MEI4: variants seen among roughly 807,000 people sequenced by gnomAD.
MEI4 encodes the protein meiotic double-stranded break formation protein 4.
MEI4 carries 27 observed loss-of-function variants against 31.4 expected under a neutral mutation model. That is an observed-to-expected ratio of 0.86 (90% CI 0.63 to 1.19). The LOEUF (loss-of-function observed/expected upper bound fraction) is 1.19, where lower values mean the gene tolerates loss of function less well. Among genes scored for constraint, MEI4 ranks in the 50% most tolerant of loss-of-function variants. The pLI is 0.00. For synonymous variants in MEI4, 122 were observed against 145.4 expected, an observed-to-expected ratio of 0.84 and a Z score of 1.16; for missense variants, 329 against 398.9, an observed-to-expected ratio of 0.82 and a Z score of 1.49.
chr6:77,921,383 G>A (rs1766698844), intron 4 of MEI4, among the ~76,000 whole-genome samples: 1 of 151,726 alleles, frequency 6.6e-6, no homozygotes, highest in Non-Finnish European at 1.5e-5. Flanking sequence ...CTTTTCTCTG[G>A]TTCAGGTATT....
In MEI4 at chr6:77,926,948, A is replaced by G. The variant is rs1407991088; in HGVS notation, c.*3602A>G. 1 of 151,904 alleles carries G rather than the reference A, an allele frequency of 6.6e-6. No individual in the cohort carries two copies. Among genetic ancestry groups the G allele is most frequent in the African/African-American group, 2.4e-5 (1 of 41,420 alleles). The allele number at this position is 151,904 out of a possible 1,614,324, so 9.4% of individuals were successfully genotyped here. On this transcript the variant is annotated 3_prime_UTR_variant, in exon 5 of 5. Coordinates refer to ENST00000684080, the MANE Select transcript of MEI4 (RefSeq NM_001322247.2). The stretch of plus-strand genomic sequence containing the variant: ...TATAGAATTGTATAATACAAAATTT[A>G]TCTGGTTAATAAATATACTGGTCTT...
intron 3 of MEI4, among the ~76,000 whole-genome samples, chr6:77,806,965 C>T (rs182510397): frequency 8.5e-5 from 13 of 152,174 alleles, no homozygotes; most frequent in East Asian, 3.9e-4. Context: ...TAATATATTT[C>T]GTATCTGACC....
intron 1 of MEI4, among the ~76,000 whole-genome samples, chr6:77,670,607 C>CCTG (rs765967491): frequency 2.4e-4 from 36 of 152,158 alleles, no homozygotes; most frequent in Non-Finnish European, 4.7e-4. Flanking sequence ...GCCCCTGACT[C>CCTG]AGGCCTTTCA....
chr6:77,662,518 T>G (rs1214322869), intron 1 of MEI4, among the ~76,000 whole-genome samples: 1 of 151,904 alleles, frequency 6.6e-6, no homozygotes, highest in East Asian at 1.9e-4. Flanking sequence ...GAGCAGAAAG[T>G]GTATGTGTCC....
At chr6:77,732,809 C>T (rs1767049665) in intron 2 of MEI4, among the ~76,000 whole-genome samples, 1 of 151,966 alleles carries the variant, frequency 6.6e-6, no homozygotes, top group Non-Finnish European at 1.5e-5. Flanking sequence ...CCCATCAATA[C>T]CTAATTTATT....
chr6:77,658,997 G>A (rs1349386576), intron 1 of MEI4, among the ~76,000 whole-genome samples: 1 of 152,078 alleles, frequency 6.6e-6, no homozygotes, highest in East Asian at 1.9e-4. Flanking sequence ...AGTAAGTCAA[G>A]GCCTCGGCGG....
chr6:77,652,502 A>G (rs79308700), upstream of MEI4, among the ~76,000 whole-genome samples: 15 of 152,216 alleles, frequency 9.9e-5, no homozygotes, highest in East Asian at 2.9e-3. Context: ...TTACGTATTG[A>G]AAGGTAGAAG....
chr6:77,839,175 G>A (rs138152546), intron 4 of MEI4, among the ~76,000 whole-genome samples: 63 of 152,150 alleles, frequency 4.1e-4, no homozygotes, highest in African/African-American at 1.4e-3. Flanking sequence ...GGAATCCTCG[G>A]GACTTTTGTC....
chr6:77,886,502 C>T (rs1013888088), intron 4 of MEI4, among the ~76,000 whole-genome samples: 15 of 152,142 alleles, frequency 9.9e-5, no homozygotes, highest in African/African-American at 3.6e-4. Flanking sequence ...GCAAGCTCAG[C>T]TTACTGCAAC....
chr6:77,885,854 T>C (rs961842663), intron 4 of MEI4, among the ~76,000 whole-genome samples: 2 of 152,196 alleles, frequency 1.3e-5, no homozygotes, highest in South Asian at 4.1e-4. Context: ...TGTGCCTACT[T>C]TCTTGAGAAT....
chr6:77,856,214 C>T (rs909976320), intron 4 of MEI4, among the ~76,000 whole-genome samples: 1 of 152,146 alleles, frequency 6.6e-6, no homozygotes, highest in African/African-American at 2.4e-5. Context: ...CCTTTTCAGC[C>T]TCATCTCCCA....
intron 2 of MEI4, among the ~76,000 whole-genome samples, chr6:77,706,571 T>C (rs1766337820): frequency 6.6e-6 from 1 of 152,316 alleles, no homozygotes; most frequent in South Asian, 2.1e-4. Context: ...CCTGTTGATA[T>C]GGTTTAGATG....
chr6:77,669,821 AG>A (rs1328011270), intron 1 of MEI4, among the ~76,000 whole-genome samples: 3 of 152,190 alleles, frequency 2.0e-5, no homozygotes, highest in African/African-American at 7.2e-5. Flanking sequence ...ATTTCAGGTA[AG>A]GAAACTGAGG....
intron 3 of MEI4, among the ~76,000 whole-genome samples, chr6:77,795,064 G>T (rs902324513): frequency 2.0e-5 from 3 of 152,168 alleles, no homozygotes; most frequent in Non-Finnish European, 2.9e-5. Flanking sequence ...CTTATGGGTT[G>T]TAGTAAAAGC....
upstream of MEI4, among the ~76,000 whole-genome samples, chr6:77,650,616 T>G (rs940737439): frequency 5.9e-5 from 9 of 152,310 alleles, no homozygotes; most frequent in South Asian, 1.9e-3. Flanking sequence ...CAGGACGCCC[T>G]CCCTCAGCGC....
intron 4 of MEI4, among the ~76,000 whole-genome samples, chr6:77,909,703 T>C (rs1452532102): frequency 6.6e-6 from 1 of 152,124 alleles, no homozygotes; most frequent in African/African-American, 2.4e-5. Flanking sequence ...CCCTAACTCA[T>C]TTCATGAGGC....
intron 3 of MEI4, among the ~76,000 whole-genome samples, chr6:77,766,606 G>A (rs1768181944): frequency 6.6e-6 from 1 of 152,008 alleles, no homozygotes; most frequent in African/African-American, 2.4e-5. Flanking sequence ...AGTAGAGATG[G>A]TTTCACCGTG....
rs1235633030 is a variant in MEI4, at chr6:77,924,643, C to A, written c.*1297C>A. On this transcript the variant is annotated 3_prime_UTR_variant, in exon 5 of 5. Coordinates refer to ENST00000684080, the MANE Select transcript of MEI4 (RefSeq NM_001322247.2). ...CTTGCTAAAAGTCAGGCTTTCTTCT[C>A]TTCCACATGTGCATATTCTGAGAAC... 6.6e-6 allele frequency: 1 copy of A among 151,798 alleles called. No homozygotes were observed. The highest frequency in any genetic ancestry group is 2.4e-5 in the African/African-American group (1 of 41,378). The allele number at this position is 151,798 out of a possible 1,614,324, so 9.4% of individuals were successfully genotyped here.
intron 3 of MEI4, among the ~76,000 whole-genome samples, chr6:77,799,453 A>G (rs534455645): frequency 6.6e-6 from 1 of 152,002 alleles, no homozygotes; most frequent in African/African-American, 2.4e-5. Context: ...TGCCTATTCA[A>G]TCTGATGGTA....
Sources: gnomAD v4.1 joint callset for allele counts (sites outside exome capture counted in the v4.1 genomes callset) on GRCh38, gnomAD v4.1.1 for gene constraint, MANE v1.5 for transcripts, NCBI Gene and HGNC (gene_info 2026-07-23, HGNC 2026-07-21) for gene names.